Variants in CUX2 observed in about 807,000 individuals in gnomAD.
The protein encoded by CUX2 is homeobox protein cut-like 2.
Under a neutral mutation model 144.8 loss-of-function variants are expected in CUX2, and 40 were observed. The observed-to-expected ratio is 0.28, with a 90% CI of 0.21 to 0.36. CUX2 has a LOEUF of 0.36. CUX2 is among the 10% of genes least tolerant of loss of function. The pLI is 1.00. For synonymous variants in CUX2, 827 were observed against 875.6 expected (o/e 0.94, Z 0.98); for missense variants, 1,615 against 1,994.0 (o/e 0.81, Z 3.62).
At chr12:111,144,188 C>T (rs988259661) in intron 1 of CUX2, among the ~76,000 whole-genome samples, 2 of 152,186 alleles carry the variant, frequency 1.3e-5, no homozygotes, top group Non-Finnish European at 1.5e-5. Context: ...ACTAATGATG[C>T]CCAGAACTGT....
At chr12:111,107,295 C>A (rs1873669300) in intron 1 of CUX2, among the ~76,000 whole-genome samples, 1 of 152,248 alleles carries the variant, frequency 6.6e-6, no homozygotes, top group Non-Finnish European at 1.5e-5. Context: ...AGCCTGCCCA[C>A]CTGGTGTGCA....
At chr12:111,161,495 G>A (rs1434611781) in intron 1 of CUX2, among the ~76,000 whole-genome samples, 2 of 152,224 alleles carry the variant, frequency 1.3e-5, no homozygotes, top group African/African-American at 4.8e-5. Context: ...AACAGCTAAT[G>A]TTGAGTATTT....
chr12:111,041,165 C>A (rs1218149162), intron 1 of CUX2, among the ~76,000 whole-genome samples: 2 of 152,234 alleles, frequency 1.3e-5, no homozygotes. Context: ...CCAAGCCTTA[C>A]TTTCTTTGTC....
intron 1 of CUX2, among the ~76,000 whole-genome samples, chr12:111,169,466 C>T (rs1006637021): frequency 6.6e-6 from 1 of 152,200 alleles, no homozygotes; most frequent in Non-Finnish European, 1.5e-5. Context: ...CCCAGAAAAG[C>T]AGGGATGGCC....
Position 111,347,654 on chromosome 12 carries a change from G to C in CUX2, c.3790G>C (p.Glu1264Gln). The C allele has an allele frequency of 6.2e-7, 1 of 1,612,106 alleles. No homozygotes were observed. Among genetic ancestry groups the C allele is most frequent in the South Asian group, 1.1e-5 (1 of 90,992 alleles). ...CCCCACCCCGCAGAGCCCTGACTCT[G>C]AGACTGAGGACCAGAAGCCAACCGT... ...PDPTPQSPDS[E>Q]TEDQKPTVKE... Residue 1264 changes from glutamate (E) to glutamine (Q), a missense_variant, in exon 22 of 22, where the codon GAG (glutamate) becomes CAG (glutamine). By Grantham distance (29) the Glu-to-Gln change is conservative. Coordinates refer to ENST00000261726, the MANE Select transcript of CUX2 (RefSeq NM_015267.4).
At chr12:111,169,956 T>A (rs933024844) in intron 1 of CUX2, among the ~76,000 whole-genome samples, 7 of 152,140 alleles carry the variant, frequency 4.6e-5, no homozygotes, top group Admixed American at 2.6e-4. Context: ...AGAGATTGTG[T>A]GTGGCAGCTG....
chr12:111,159,178 GCT>G (rs1368008905), intron 1 of CUX2, among the ~76,000 whole-genome samples: 1 of 152,148 alleles, frequency 6.6e-6, no homozygotes, highest in African/African-American at 2.4e-5. Context: ...ACAGGGTCTT[GCT>G]CTGTTACCCA....
intron 3 of CUX2, among the ~76,000 whole-genome samples, chr12:111,230,545 C>T (rs1290869952): frequency 3.3e-5 from 5 of 152,188 alleles, no homozygotes; most frequent in Admixed American, 6.5e-5. Flanking sequence ...CACTGGCTTC[C>T]GACCCTGGCT....
intron 21 of CUX2, among the ~76,000 whole-genome samples, chr12:111,344,305 A>T (rs543796090): frequency 6.6e-6 from 1 of 152,322 alleles, no homozygotes; most frequent in South Asian, 2.1e-4. Flanking sequence ...TACAGTCATA[A>T]AACAGAACAT....
rs994997171 is a variant in CUX2, at chr12:111,306,967, C to T, written c.905C>T (p.Ala302Val). 1.9e-5 allele frequency: 31 copies of T among 1,613,196 alleles called. No homozygotes were observed. Among genetic ancestry groups the T allele is most frequent in the Admixed American group, 5.0e-5 (3 of 59,974 alleles). ...TLCSGPRLEA[A>V]LASKDREILR... ...TGCTCGGGCCCTCGGCTGGAGGCCG[C>T]GCTGGCCTCCAAGGACAGGGAGATC... Residue 302 changes from alanine to valine, a missense_variant, in exon 11 of 22, where the codon GCG becomes GTG. Around this residue, in one of 12 missense-constraint regions of CUX2, gnomAD observed 295 missense variants for 400.2 expected, o/e 0.74. Transcript: ENST00000261726.
intron 1 of CUX2, among the ~76,000 whole-genome samples, chr12:111,139,985 G>A (rs1247671453): frequency 6.6e-6 from 1 of 152,140 alleles, no homozygotes; most frequent in Non-Finnish European, 1.5e-5. Flanking sequence ...TGTGAAATGG[G>A]GATATAAATG....
chr12:111,197,188 ATC>A (rs1344901295), intron 1 of CUX2, among the ~76,000 whole-genome samples: 1 of 152,158 alleles, frequency 6.6e-6, no homozygotes, highest in East Asian at 1.9e-4. Flanking sequence ...AAGTACTAAT[ATC>A]TCTCTCGAAG....
chr12:111,145,837 G>T (rs1243198640), intron 1 of CUX2, among the ~76,000 whole-genome samples: 2 of 149,836 alleles, frequency 1.3e-5, no homozygotes, highest in African/African-American at 5.0e-5. Flanking sequence ...CAGCTTTTTT[G>T]TTTGTTTGTT....
intron 1 of CUX2, among the ~76,000 whole-genome samples, chr12:111,149,805 C>T (rs981972286): frequency 2.0e-4 from 31 of 152,154 alleles, no homozygotes; most frequent in South Asian, 2.1e-4. Flanking sequence ...TCCCTTAAAA[C>T]GCCAAGACAT....
intron 4 of CUX2, among the ~76,000 whole-genome samples, chr12:111,269,432 C>T (rs898091998): frequency 1.9e-4 from 29 of 152,246 alleles, no homozygotes; most frequent in African/African-American, 2.2e-4. Context: ...ACTGTGTGCC[C>T]GGCACTTGCT....
chr12:111,339,293 T>TCTGAAGCTA (rs928190223), intron 20 of CUX2, among the ~76,000 whole-genome samples: 8 of 151,852 alleles, frequency 5.3e-5, no homozygotes, highest in African/African-American at 1.9e-4. Context: ...CTTTCACACC[T>TCTGAAGCTA]CTGAAGCTAC....
Position 111,293,817 on chromosome 12 carries a change from T to C in CUX2, c.560+248T>C, listed in dbSNP as rs928206352. On this transcript the variant is annotated intron_variant, in intron 6 of 21. Coordinates refer to ENST00000261726, the MANE Select transcript of CUX2 (RefSeq NM_015267.4). This position sits in a 1 kb window ranked among gnomAD's most constrained non-coding sequence, Gnocchi z 4.5. ...AGCCTCAACTTCCCTACCTGGGAAA[T>C]GGGGCTAAGGGTGGTCCATTCCTCA... Among the ~76,000 whole-genome samples, 7 of 152,106 alleles carry C rather than the reference T, an allele frequency of 4.6e-5. No individual in the cohort carries two copies. The highest frequency in any genetic ancestry group is 1.7e-4 in the African/African-American group (7 of 41,432).
At chr12:111,317,673 A>C (rs1042505567) in intron 16 of CUX2, among the ~76,000 whole-genome samples, 1 of 152,084 alleles carries the variant, frequency 6.6e-6, no homozygotes. Flanking sequence ...TATAGTGTTT[A>C]TGTTATTTGT....
rs1887453719 is a variant in CUX2, at chr12:111,320,301, C to T, written c.2292C>T (p.Pro764=). The change falls in exon 17 of 22, where the codon CCC becomes CCT. Residue 764 remains proline (P), a synonymous_variant. Coordinates refer to ENST00000261726, the MANE Select transcript of CUX2 (RefSeq NM_015267.4). The surrounding 1 kb of genome is among the most constrained non-coding windows in gnomAD (Gnocchi z 8.1). The stretch of plus-strand genomic sequence containing the variant: ...AGGCGCCGCTCCCGGTCCTGTCCCC[C>T]GCCGCCTTCGTGCAGAGCATCATCC... ...PAQAPLPVLS[P]AAFVQSIIRK... The T allele has an allele frequency of 6.3e-7, 1 of 1,597,352 alleles. No individual in the cohort carries two copies. Among genetic ancestry groups the T allele is most frequent in the African/African-American group, 1.3e-5 (1 of 74,802 alleles).
Sources: gnomAD v4.1 joint callset for allele counts (sites outside exome capture counted in the v4.1 genomes callset) on GRCh38, gnomAD v4.1.1 for gene constraint, gnomAD v4.1.1 regional missense constraint, Gnocchi (gnomAD v3.1) non-coding constraint, MANE v1.5 for transcripts, NCBI Gene and HGNC (gene_info 2026-07-23, HGNC 2026-07-21) for gene names.